SUCLG2: variants seen among roughly 807,000 people sequenced by gnomAD.
SUCLG2 encodes succinate--CoA ligase [GDP-forming] subunit beta, mitochondrial.
Under a neutral mutation model 47.9 loss-of-function variants are expected in SUCLG2, and 42 were observed. The ratio of observed to expected loss-of-function variants is 0.88; its 90% CI spans 0.69 to 1.14. The LOEUF (loss-of-function observed/expected upper bound fraction) is 1.14. Among genes scored for constraint, SUCLG2 ranks in the 50% most tolerant of loss-of-function variants. SUCLG2 has a pLI of 0.00. For missense variants in SUCLG2, 571 were observed against 525.9 expected, an observed-to-expected ratio of 1.09 and a Z score of -0.84; for synonymous variants, 195 against 197.3, an observed-to-expected ratio of 0.99 and a Z score of 0.10.
chr3:67,440,638 C>T (rs1017851256), intron 9 of SUCLG2, among the ~76,000 whole-genome samples: 1 of 152,170 alleles, frequency 6.6e-6, no homozygotes, highest in South Asian at 2.1e-4. Context: ...AGCTCATCAC[C>T]ACCAGTCATT....
At chr3:67,641,475 C>A (rs1459208777) in intron 1 of SUCLG2, among the ~76,000 whole-genome samples, 20 of 152,188 alleles carry the variant, frequency 1.3e-4, no homozygotes. Flanking sequence ...ATTTCAAAAA[C>A]CGCAATTACT....
intron 1 of SUCLG2, among the ~76,000 whole-genome samples, chr3:67,652,914 T>A (rs1246660404): frequency 6.6e-6 from 1 of 152,238 alleles, no homozygotes; most frequent in African/African-American, 2.4e-5. Flanking sequence ...AACCTACTTT[T>A]ACCTTCTAAG....
intron 9 of SUCLG2, among the ~76,000 whole-genome samples, chr3:67,436,748 T>C (rs888202707): frequency 3.3e-5 from 5 of 152,182 alleles, no homozygotes; most frequent in Admixed American, 6.6e-5. Context: ...ATAAGTGATG[T>C]ATGACCACCA....
At chr3:67,415,058 G>A (rs1279079303) in intron 9 of SUCLG2, among the ~76,000 whole-genome samples, 3 of 152,138 alleles carry the variant, frequency 2.0e-5, no homozygotes, top group Non-Finnish European at 2.9e-5. Flanking sequence ...GCCTCGCTAT[G>A]TTGCCTAGGC....
chr3:67,614,682 C>T (rs1465335196), intron 1 of SUCLG2, among the ~76,000 whole-genome samples: 2 of 151,990 alleles, frequency 1.3e-5, no homozygotes, highest in African/African-American at 4.8e-5. Context: ...GTCTTTGGGA[C>T]CCTATACTGG....
intron 9 of SUCLG2, chr3:67,408,647 A>G (rs1702868555): frequency 1.2e-5 from 13 of 1,076,026 alleles, no homozygotes; most frequent in Non-Finnish European, 1.2e-5. Flanking sequence ...TATTCTGTCT[A>G]TTCTCTTCTT....
chr3:67,439,452 T>C (rs577809109), intron 9 of SUCLG2, among the ~76,000 whole-genome samples: 1 of 152,228 alleles, frequency 6.6e-6, no homozygotes, highest in Non-Finnish European at 1.5e-5. Flanking sequence ...TTGTCTCTGT[T>C]TGCATATGAC....
chr3:67,609,725 GAA>G lies in SUCLG2; in HGVS notation c.85-131_85-130del, dbSNP rs11286754. 429 of 676,416 alleles carry G rather than the reference GAA, an allele frequency of 6.3e-4. 1 individual carries two copies. The highest frequency in any genetic ancestry group is 8.8e-4 in the Non-Finnish European group (398 of 452,452). The allele number at this position is 676,416 out of a possible 1,614,324, so 41.9% of individuals were successfully genotyped here. The stretch of plus-strand genomic sequence containing the variant: ...CAACCCAGAGTTGAGAGAAGCAAAA[GAA>G]AAAAAAAACCCACTTAAATTCATGC... On this transcript the variant is annotated intron_variant, in intron 1 of 10. Coordinates refer to ENST00000307227, the MANE Select transcript of SUCLG2 (RefSeq NM_003848.4).
At chr3:67,452,902 G>A (rs1330726290) in intron 9 of SUCLG2, among the ~76,000 whole-genome samples, 1 of 152,164 alleles carries the variant, frequency 6.6e-6, no homozygotes, top group African/African-American at 2.4e-5. Context: ...TCTAGCCATT[G>A]CACTGCCTTT....
chr3:67,360,642 A>G lies in SUCLG2; in HGVS notation c.1310T>C (p.Ile437Thr), dbSNP rs751950844. 3.1e-5 allele frequency: 47 copies of G among 1,510,132 alleles called. 1 individual carries two copies. Among genetic ancestry groups the G allele is most frequent in the Admixed American group, 8.4e-5 (4 of 47,678 alleles). The allele number at this position is 1,510,132 out of a possible 1,614,324, so 93.5% of individuals were successfully genotyped here. A position where few individuals can be genotyped will look rare whatever the true frequency, so the allele number is the denominator to read the frequency against. The change falls in exon 11 of 11, where the codon ATT becomes ACT. Residue 437 changes from isoleucine (I) to threonine (T), a missense_variant. By Grantham distance (89) the Ile-to-Thr change is moderately conservative. Transcript: ENST00000493112. ...CAAAGTAAATCTTTAACATAAAAAA[A>G]TGCTGATGGCACACTTACTCAGATT...
chr3:67,390,549 A>G (rs943969796), intron 10 of SUCLG2, among the ~76,000 whole-genome samples: 14 of 152,208 alleles, frequency 9.2e-5, no homozygotes, highest in African/African-American at 3.4e-4. Flanking sequence ...TTTTTGTTCA[A>G]AAGACTCTTG....
At chr3:67,552,885 T>C (rs1331199226) in intron 2 of SUCLG2, among the ~76,000 whole-genome samples, 1 of 152,214 alleles carries the variant, frequency 6.6e-6, no homozygotes. Context: ...AGCAGTCTCA[T>C]CATCTTTCTT....
chr3:67,624,879 A>G (rs1182406344), intron 1 of SUCLG2, among the ~76,000 whole-genome samples: 1 of 152,254 alleles, frequency 6.6e-6, no homozygotes, highest in Non-Finnish European at 1.5e-5. Context: ...TGAAATACAT[A>G]CTGTCATTCA....
chr3:67,431,729 G>A (rs13065538), intron 9 of SUCLG2, among the ~76,000 whole-genome samples: 4,947 of 150,508 alleles, frequency 0.033, 112 homozygotes, highest in African/African-American at 0.055. Context: ...CACACACCGG[G>A]GCATGTCGTG....
chr3:67,562,276 TTTTG>T (rs1394477995), intron 2 of SUCLG2, among the ~76,000 whole-genome samples: 3 of 151,982 alleles, frequency 2.0e-5, no homozygotes, highest in East Asian at 1.9e-4. Context: ...AATTCAGTTT[TTTTG>T]TTTGTTTTTT....
At chr3:67,584,914 C>A (rs1435895772) in intron 2 of SUCLG2, among the ~76,000 whole-genome samples, 1 of 152,062 alleles carries the variant, frequency 6.6e-6, no homozygotes. Context: ...AAATTACCTC[C>A]CACCGGGTCC....
At chr3:67,542,789 T>C (rs1175764085) in intron 2 of SUCLG2, among the ~76,000 whole-genome samples, 5 of 152,142 alleles carry the variant, frequency 3.3e-5, no homozygotes, top group Non-Finnish European at 5.9e-5. Flanking sequence ...TCAATATATA[T>C]GCACCCAAAA....
chr3:67,448,761 A>G (rs7620816), intron 9 of SUCLG2, among the ~76,000 whole-genome samples: 12,144 of 152,276 alleles, frequency 0.08, 597 homozygotes, highest in African/African-American at 0.13. Flanking sequence ...GTACTAGGAA[A>G]CAATACACTT....
chr3:67,624,121 A>C (rs1700781624), intron 1 of SUCLG2, among the ~76,000 whole-genome samples: 1 of 152,262 alleles, frequency 6.6e-6, no homozygotes, highest in South Asian at 2.1e-4. Flanking sequence ...TTAATAGTTT[A>C]GGATACATTT....
Sources: allele counts gnomAD v4.1 joint callset (sites outside exome capture counted in the v4.1 genomes callset), GRCh38; gene constraint gnomAD v4.1.1; transcripts MANE v1.5; gene names NCBI Gene and HGNC (gene_info 2026-07-23, HGNC 2026-07-21).